PTPN4: variants seen among roughly 807,000 people sequenced by gnomAD.
PTPN4 encodes the protein tyrosine-protein phosphatase non-receptor type 4.
Under a neutral mutation model 135.5 loss-of-function variants are expected in PTPN4, and 49 were observed. The ratio of observed to expected loss-of-function variants is 0.36; its 90% CI spans 0.29 to 0.46. The LOEUF is 0.46. PTPN4 is among the 20% of genes least tolerant of loss of function. The pLI is 1.00. For synonymous variants in PTPN4, 333 were observed against 369.9 expected, an observed-to-expected ratio of 0.90 and a Z score of 1.14; for missense variants, 860 against 1,101.0, an observed-to-expected ratio of 0.78 and a Z score of 3.10.
rs1265731206 is a variant in PTPN4, at chr2:119,955,269, A to C, written c.1926A>C (p.Ser642=). Reference sequence around the variant, plus strand: ...AGGATGACCATTCCCTGCGGGAGTCAATGATCCAGCTAGCTGAGGGGCTTA... The same window carrying C: ...AGGATGACCATTCCCTGCGGGAGTCCATGATCCAGCTAGCTGAGGGGCTTA... ...VHQDDHSLRE[S]MIQLAEGLIT... The change falls in exon 20 of 27, where the codon TCA becomes TCC. Residue 642 remains serine, a synonymous_variant. Transcript: ENST00000263708. The C allele has an allele frequency of 6.2e-7, 1 of 1,613,778 alleles. No homozygotes were observed. The highest frequency in any genetic ancestry group is 1.3e-5 in the African/African-American group (1 of 75,038).
chr2:119,861,124 G>A (rs907020223), intron 2 of PTPN4, among the ~76,000 whole-genome samples: 6 of 152,028 alleles, frequency 3.9e-5, no homozygotes, highest in African/African-American at 7.3e-5. Context: ...TGAGGGTTGC[G>A]TGCTGTCATA....
At chr2:119,868,789 G>A (rs1431331653) in intron 3 of PTPN4, among the ~76,000 whole-genome samples, 1 of 152,118 alleles carries the variant, frequency 6.6e-6, no homozygotes, top group Non-Finnish European at 1.5e-5. Flanking sequence ...TAGAAACAAT[G>A]CTAATGACTG....
intron 13 of PTPN4, among the ~76,000 whole-genome samples, chr2:119,929,194 C>T (rs1179679417): frequency 6.6e-6 from 1 of 152,026 alleles, no homozygotes. Context: ...GTTTAATGAT[C>T]TCTCTTTCTC....
rs979943329 is a variant in PTPN4 at position 119,884,877 on chromosome 2, A to G, written c.588-918A>G. ...CTCCCTTTTCTAGTAGCATTAGTGA[A>G]TAGAAAGTTTGTATCTTTGTTTTTG... On this transcript the variant is annotated intron_variant, in intron 8 of 26. Transcript: ENST00000263708. 5.3e-5 allele frequency among the ~76,000 whole-genome samples: 8 copies of G among 152,186 alleles called. 1 individual carries two copies. Among genetic ancestry groups the G allele is most frequent in the Admixed American group, 2.0e-4 (3 of 15,286 alleles).
intron 15 of PTPN4, 166 bp downstream of exon 15, chr2:119,935,124 G>T: frequency 1.3e-6 from 1 of 766,116 alleles, no homozygotes; most frequent in Non-Finnish European, 2.0e-6. Flanking sequence ...AGTTCTTGTT[G>T]CCTCTCCCTC....
intron 1 of PTPN4, among the ~76,000 whole-genome samples, chr2:119,800,151 T>C (rs920515453): frequency 1.3e-5 from 2 of 152,212 alleles, no homozygotes; most frequent in Non-Finnish European, 2.9e-5. Flanking sequence ...GATGCAATCA[T>C]TATTTTTAAC....
intron 12 of PTPN4, among the ~76,000 whole-genome samples, chr2:119,924,926 G>T (rs141574678): frequency 6.6e-6 from 1 of 152,268 alleles, no homozygotes; most frequent in East Asian, 1.9e-4. Context: ...AAACAAAAGG[G>T]TGGAAACATG....
intron 25 of PTPN4, among the ~76,000 whole-genome samples, chr2:119,967,035 A>G (rs886667335): frequency 6.6e-6 from 1 of 152,264 alleles, no homozygotes; most frequent in Non-Finnish European, 1.5e-5. Context: ...TTTGAGAGGT[A>G]AAGTAGCAAG....
intron 2 of PTPN4, among the ~76,000 whole-genome samples, chr2:119,852,361 T>A (rs954045509): frequency 6.6e-6 from 1 of 152,020 alleles, no homozygotes; most frequent in African/African-American, 2.4e-5. Flanking sequence ...AAAAACCCCT[T>A]CCTTCCTTTG....
At chr2:119,965,222 A>G (rs1679428456) in intron 24 of PTPN4, among the ~76,000 whole-genome samples, 1 of 152,126 alleles carries the variant, frequency 6.6e-6, no homozygotes, top group African/African-American at 2.4e-5. Flanking sequence ...GGGAAATCTA[A>G]CATTTCATAA....
chr2:119,977,087 G>A lies in PTPN4; in HGVS notation c.*17G>A. 1 of 1,583,298 alleles carries A rather than the reference G, an allele frequency of 6.3e-7. No homozygotes were observed. Among genetic ancestry groups the A allele is most frequent in the Non-Finnish European group, 8.5e-7 (1 of 1,170,250 alleles). ...AATAAATAAGAAAGCAAAAAGATCT[G>A]GGATATGTGTTGGAAAACTGCTTTC... On this transcript the variant is annotated 3_prime_UTR_variant, in exon 27 of 27. Transcript: ENST00000263708.
intron 2 of PTPN4, among the ~76,000 whole-genome samples, chr2:119,823,067 C>A (rs546115184): frequency 1.3e-5 from 2 of 152,206 alleles, no homozygotes; most frequent in East Asian, 3.9e-4. Context: ...AACCTTTATT[C>A]TTTTACTGTA....
At chr2:119,770,169 T>C (rs1460366873) in intron 1 of PTPN4, among the ~76,000 whole-genome samples, 2 of 152,228 alleles carry the variant, frequency 1.3e-5, no homozygotes, top group Non-Finnish European at 2.9e-5. Context: ...GAATAAGACA[T>C]GCTCTTTATC....
intron 5 of PTPN4, among the ~76,000 whole-genome samples, chr2:119,879,799 T>C (rs866426137): frequency 7.9e-5 from 12 of 152,108 alleles, no homozygotes; most frequent in Admixed American, 3.3e-4. Context: ...CCTCCTTACC[T>C]TGAGATTTCA....
chr2:119,810,100 C>A (rs1691551969), intron 2 of PTPN4, 109 bp downstream of exon 2: 1 of 1,301,096 alleles, frequency 7.7e-7, no homozygotes, highest in Non-Finnish European at 1.0e-6. Flanking sequence ...AAGTCTTATT[C>A]AAGTAAAAAA....
chr2:119,976,925 A>T (rs1289368225), intron 26 of PTPN4, 59 bp from the exon 27 acceptor site: 18 of 1,557,166 alleles, frequency 1.2e-5, no homozygotes, highest in Non-Finnish European at 1.6e-5. Flanking sequence ...TTTTGGGGGG[A>T]GAGGGGACGG....
intron 11 of PTPN4, among the ~76,000 whole-genome samples, chr2:119,916,953 AATGCTGCTAATGGAAATTATTTTAC>A (rs1281656149): frequency 6.6e-6 from 1 of 152,210 alleles, no homozygotes; most frequent in Non-Finnish European, 1.5e-5. Context: ...TATTATGACT[AATGCTGCTAATGGAAATTATTTTAC>A]ATGTTTTAAA....
At chr2:119,898,710 T>C (rs768479463) in intron 9 of PTPN4, among the ~76,000 whole-genome samples, 1 of 152,182 alleles carries the variant, frequency 6.6e-6, no homozygotes, top group Non-Finnish European at 1.5e-5. Flanking sequence ...TGTATTTTTC[T>C]AGACATTGGA....
chr2:119,925,629 T>G (rs1678813302), intron 12 of PTPN4, among the ~76,000 whole-genome samples: 1 of 152,180 alleles, frequency 6.6e-6, no homozygotes, highest in Non-Finnish European at 1.5e-5. Context: ...CTGGACACAG[T>G]CCTGTCCCTA....
Sources: gnomAD v4.1 joint callset for allele counts (sites outside exome capture counted in the v4.1 genomes callset) on GRCh38, gnomAD v4.1.1 for gene constraint, MANE v1.5 for transcripts, NCBI Gene and HGNC (gene_info 2026-07-23, HGNC 2026-07-21) for gene names.